Variants in CNST observed in about 807,000 individuals in gnomAD.
CNST encodes consortin, connexin sorting protein, also known as consortin.
A neutral mutation model predicts 72.4 loss-of-function variants in CNST; 39 were observed. The observed-to-expected ratio is 0.54, with a 90% CI of 0.42 to 0.70. The LOEUF is 0.70. CNST is among the 30% of genes least tolerant of loss of function. CNST has a pLI of 0.00. For synonymous variants in CNST, 332 were observed against 320.1 expected (o/e 1.04, Z -0.40); for missense variants, 871 against 868.5 (o/e 1.00, Z -0.04).
intron 4 of CNST, chr1:246,632,308 C>T (rs951901931): frequency 1.3e-5 from 4 of 296,768 alleles, no homozygotes; most frequent in South Asian, 8.6e-5. Flanking sequence ...TGGCAACGTG[C>T]GCCACAGACT....
Position 246,660,256 on chromosome 1 carries a change from G to A in CNST, c.1894G>A (p.Asp632Asn). Residue 632 changes from aspartate (D) to asparagine (N), a missense_variant, in exon 10 of 11, where the codon GAT (aspartate) becomes AAT (asparagine). Transcript: ENST00000366513. ...ILKKRNDTVG[D>N]HPAQMQHKPS... ...AAAGAAGAGGAATGATACTGTAGGA[G>A]ATCATCCTGCCCAAATGCAACACAA... 1 of 1,612,610 alleles carries A rather than the reference G, an allele frequency of 6.2e-7. No individual in the cohort carries two copies. Among genetic ancestry groups the A allele is most frequent in the Non-Finnish European group, 8.5e-7 (1 of 1,178,630 alleles).
intron 1 of CNST, among the ~76,000 whole-genome samples, chr1:246,590,061 A>G (rs1661447522): frequency 6.6e-6 from 1 of 152,132 alleles, no homozygotes; most frequent in Admixed American, 6.6e-5. Flanking sequence ...CCCATTCTGT[A>G]GTTTTAATGA....
At chr1:246,626,545 C>T (rs1338709879) in intron 3 of CNST, among the ~76,000 whole-genome samples, 1 of 150,890 alleles carries the variant, frequency 6.6e-6, no homozygotes, top group African/African-American at 2.4e-5. Context: ...ACAACCTCCG[C>T]TTCCCGAGTT....
Position 246,611,347 on chromosome 1 carries a change from T to A in CNST, c.380-10082T>A, listed in dbSNP as rs555958084. Among the ~76,000 whole-genome samples the A allele has an allele frequency of 4.0e-3, 612 of 152,356 alleles. 3 individuals are homozygous for A. The highest frequency in any genetic ancestry group is 0.014 in the African/African-American group (583 of 41,564). On this transcript the variant is annotated intron_variant, in intron 2 of 10. Coordinates refer to ENST00000366513, the MANE Select transcript of CNST (RefSeq NM_152609.3). ...TTATAGTTCTGGATGTTGTTTTTTT[T>A]TAAAATATTTCTGTGAAAGCCTCAG... is the stretch of plus-strand genomic sequence containing the variant.
intron 1 of CNST, among the ~76,000 whole-genome samples, chr1:246,580,123 G>C (rs1437714333): frequency 6.6e-6 from 1 of 152,064 alleles, no homozygotes; most frequent in African/African-American, 2.4e-5. Context: ...TCTTGAAAGT[G>C]GTAATAAACT....
At chr1:246,616,966 G>A (rs906018323) in intron 2 of CNST, among the ~76,000 whole-genome samples, 5 of 151,918 alleles carry the variant, frequency 3.3e-5, no homozygotes, top group Non-Finnish European at 7.4e-5. Flanking sequence ...GTTACATCAT[G>A]AATGCTTTAA....
Position 246,573,280 on chromosome 1 carries a change from C to T in CNST, c.-52+6617C>T, listed in dbSNP as rs115804732. Among the ~76,000 whole-genome samples, 414 of 152,266 alleles carry T rather than the reference C, an allele frequency of 2.7e-3. 3 individuals are homozygous for T. The highest frequency in any genetic ancestry group is 9.5e-3 in the African/African-American group (395 of 41,544). Reference sequence around the variant, plus strand: ...TAAAGAGCCAAAATTAGAGGTAATACCCTTGCTCTTCCCTACTTTAATCAT... The same window carrying T: ...TAAAGAGCCAAAATTAGAGGTAATATCCTTGCTCTTCCCTACTTTAATCAT... On this transcript the variant is annotated intron_variant, in intron 1 of 10. Coordinates refer to ENST00000366513, the MANE Select transcript of CNST (RefSeq NM_152609.3).
At chr1:246,612,265 A>G (rs1395770934) in intron 2 of CNST, among the ~76,000 whole-genome samples, 1 of 152,218 alleles carries the variant, frequency 6.6e-6, no homozygotes, top group East Asian at 1.9e-4. Context: ...GCAGTGGCAC[A>G]ATCTTGGCTC....
intron 6 of CNST, among the ~76,000 whole-genome samples, chr1:246,635,996 G>T (rs1166937321): frequency 1.3e-5 from 2 of 152,178 alleles, no homozygotes; most frequent in Non-Finnish European, 2.9e-5. Context: ...GTAAGCCTGG[G>T]TTCCCCATAT....
At chr1:246,586,080 G>A (rs1408895271) in intron 1 of CNST, among the ~76,000 whole-genome samples, 1 of 137,038 alleles carries the variant, frequency 7.3e-6, no homozygotes, top group Admixed American at 8.1e-5. Context: ...ACCATGTCTT[G>A]GGGGAGAGGG....
intron 1 of CNST, among the ~76,000 whole-genome samples, chr1:246,578,200 A>G (rs1160374677): frequency 6.6e-6 from 1 of 152,082 alleles, no homozygotes; most frequent in Non-Finnish European, 1.5e-5. Flanking sequence ...TGAATTCCAG[A>G]TGGGAAATAA....
intron 1 of CNST, among the ~76,000 whole-genome samples, chr1:246,586,716 A>G (rs1448847717): frequency 2.6e-5 from 4 of 152,168 alleles, no homozygotes; most frequent in Non-Finnish European, 5.9e-5. Context: ...GACTCATAAC[A>G]TTAAAGGAAT....
intron 3 of CNST, among the ~76,000 whole-genome samples, chr1:246,629,401 T>TC (rs1664637629): frequency 9.4e-6 from 1 of 106,942 alleles, no homozygotes; most frequent in Non-Finnish European, 2.0e-5. Flanking sequence ...ACCTGGAAAT[T>TC]TTACTTTTGA....
intron 2 of CNST, among the ~76,000 whole-genome samples, chr1:246,616,052 T>G (rs918306344): frequency 2.6e-5 from 4 of 152,208 alleles, no homozygotes; most frequent in Non-Finnish European, 5.9e-5. Flanking sequence ...TGGGTAGTTT[T>G]TAACTATAGG....
intron 9 of CNST, 126 bp downstream of exon 9, chr1:246,648,163 G>T: frequency 7.0e-7 from 1 of 1,438,464 alleles, no homozygotes; most frequent in South Asian, 1.6e-5. Context: ...TCTAGTTAAC[G>T]TAAGCTTTTA....
rs921749974 is a variant in CNST, at chr1:246,631,733, C to T, written c.586-161C>T. On this transcript the variant is annotated intron_variant, in intron 3 of 10. Coordinates refer to ENST00000366513, the MANE Select transcript of CNST (RefSeq NM_152609.3). ...ACTTCAGAATTGCATCCTGTGCCTA[C>T]AGTCAGATTTCTTCTGAACTGTTGA... 1.1e-4 allele frequency among the ~76,000 whole-genome samples: 16 copies of T among 152,196 alleles called. 1 individual carries two copies. The highest frequency in any genetic ancestry group is 9.8e-4 in the Admixed American group (15 of 15,286).
In CNST at chr1:246,667,675, T is replaced by C. The variant is rs775462405; in HGVS notation, c.*1770T>C. ...CAAATTGTATGTAAAATATGTAAAA[T>C]GTTGACGGTACTATATTAAGTGGTT... On this transcript the variant is annotated 3_prime_UTR_variant, in exon 11 of 11. Transcript: ENST00000366513. The C allele has an allele frequency of 6.6e-6, 1 of 152,224 alleles. No individual in the cohort carries two copies. Among genetic ancestry groups the C allele is most frequent in the Non-Finnish European group, 1.5e-5 (1 of 68,038 alleles). The allele number at this position is 152,224 out of a possible 1,614,324, so 9.4% of individuals were successfully genotyped here. A position where few individuals can be genotyped will look rare whatever the true frequency, so the allele number is the denominator to read the frequency against.
At chr1:246,650,529 A>G (rs190016026) in intron 9 of CNST, among the ~76,000 whole-genome samples, 1 of 152,330 alleles carries the variant, frequency 6.6e-6, no homozygotes, top group Admixed American at 6.5e-5. Flanking sequence ...AAAATCACTA[A>G]TACTTAATAT....
chr1:246,593,631 C>T (rs189343397), intron 2 of CNST, among the ~76,000 whole-genome samples: 127 of 152,172 alleles, frequency 8.3e-4, no homozygotes, highest in Admixed American at 1.8e-3. Flanking sequence ...CGTGAGCCAC[C>T]GTGCCCAGCA....
Sources: gnomAD v4.1 joint callset for allele counts (sites outside exome capture counted in the v4.1 genomes callset) on GRCh38, gnomAD v4.1.1 for gene constraint, MANE v1.5 for transcripts, NCBI Gene and HGNC (gene_info 2026-07-23, HGNC 2026-07-21) for gene names.